Variants in PRKD1 observed in about 807,000 individuals in gnomAD.
The protein encoded by PRKD1 is protein kinase D1, also known as serine/threonine-protein kinase D1.
PRKD1 carries 63 observed loss-of-function variants against 95.9 expected under a neutral mutation model. The ratio of observed to expected loss-of-function variants is 0.66; its 90% CI spans 0.54 to 0.81. The LOEUF (loss-of-function observed/expected upper bound fraction) is 0.81, where lower values mean the gene tolerates loss of function less well. Among genes scored for constraint, PRKD1 ranks in the 30% least tolerant of loss-of-function variants. The pLI, the probability that PRKD1 is intolerant of heterozygous loss-of-function variation, is 0.00. For missense variants in PRKD1, 1,048 were observed against 1,165.3 expected (o/e 0.90, Z 1.47); for synonymous variants, 425 against 423.1 (o/e 1.00, Z -0.05).
chr14:29,721,341 G>A (rs1330715634), intron 2 of PRKD1, among the ~76,000 whole-genome samples: 2 of 152,162 alleles, frequency 1.3e-5, no homozygotes, highest in Admixed American at 6.5e-5. Flanking sequence ...GTGTAAGAAG[G>A]AAAGATTCAA....
At chr14:29,919,829 G>T (rs1895024429) in intron 1 of PRKD1, among the ~76,000 whole-genome samples, 1 of 152,064 alleles carries the variant, frequency 6.6e-6, no homozygotes, top group African/African-American at 2.4e-5. Flanking sequence ...ATCCAGGCGT[G>T]GTGGCACATA....
chr14:29,843,451 G>T (rs1891947493), intron 1 of PRKD1, among the ~76,000 whole-genome samples: 1 of 152,146 alleles, frequency 6.6e-6, no homozygotes, highest in Non-Finnish European at 1.5e-5. Flanking sequence ...CCAAAGAGCT[G>T]CAGATATTGA....
intron 1 of PRKD1, among the ~76,000 whole-genome samples, chr14:29,917,563 G>T (rs911735685): frequency 6.6e-6 from 1 of 151,788 alleles, no homozygotes; most frequent in Admixed American, 6.6e-5. Context: ...GTAGAAATAC[G>T]TTTCTGTTTG....
intron 1 of PRKD1, among the ~76,000 whole-genome samples, chr14:29,848,461 G>A (rs997231458): frequency 4.0e-5 from 6 of 151,884 alleles, no homozygotes; most frequent in Non-Finnish European, 5.9e-5. Context: ...CATATATGGG[G>A]AAAATTAGAA....
rs537554301 is a variant in PRKD1, at chr14:29,927,310, G to C, written c.203C>G (p.Ser68Trp). 6.4e-7 allele frequency: 1 copy of C among 1,555,452 alleles called. No individual in the cohort carries two copies. The highest frequency in any genetic ancestry group is 1.9e-5 in the Admixed American group (1 of 53,054). Residue 68 changes from serine to tryptophan, a missense_variant, in exon 1 of 18, where the codon TCG (serine) becomes TGG (tryptophan). Around this residue, in one of 3 missense-constraint regions of PRKD1, gnomAD observed 275 missense variants for 248.6 expected, o/e 1.11. Transcript: ENST00000331968. ...GTGCGCCAGGCTGTAGTCCCCGGAC[G>C]AGTCCTGCAGCAGCAGCACCGGCTC... ...SREPVLLLQD[S>W]SGDYSLAHVR...
intron 2 of PRKD1, among the ~76,000 whole-genome samples, chr14:29,716,933 AAAAT>A (rs1172133580): frequency 6.6e-6 from 1 of 152,190 alleles, no homozygotes; most frequent in African/African-American, 2.4e-5. Flanking sequence ...AGGACTTTTA[AAAAT>A]AAATAAGCAA....
intron 1 of PRKD1, among the ~76,000 whole-genome samples, chr14:29,809,675 A>G (rs1236430624): frequency 6.6e-6 from 1 of 152,234 alleles, no homozygotes; most frequent in Non-Finnish European, 1.5e-5. Context: ...AAAGAGAGTT[A>G]GGACCTTACT....
In PRKD1 at chr14:29,715,300, C is replaced by T. The variant is rs141105073; in HGVS notation, c.403+10236G>A. 2.8e-3 allele frequency among the ~76,000 whole-genome samples: 430 copies of T among 151,562 alleles called. 2 individuals carry two copies. Among genetic ancestry groups the T allele is most frequent in the Middle Eastern group, 0.027 (8 of 294 alleles). On this transcript the variant is annotated intron_variant, in intron 2 of 17. Transcript: ENST00000331968. Reference sequence around the variant, plus strand: ...GAGTAAAATTTGATTTATCTAGTTGCTCTGTCCAATAGAACTTTTTTCAGA... The same window carrying T: ...GAGTAAAATTTGATTTATCTAGTTGTTCTGTCCAATAGAACTTTTTTCAGA...
intron 2 of PRKD1, among the ~76,000 whole-genome samples, chr14:29,709,469 G>T (rs1378006725): frequency 6.6e-6 from 1 of 152,170 alleles, no homozygotes; most frequent in African/African-American, 2.4e-5. Context: ...TGCTCTCATT[G>T]TTCAGGGGGA....
chr14:29,669,564 AAAAAC>A (rs749770870), intron 2 of PRKD1, among the ~76,000 whole-genome samples: 11 of 152,212 alleles, frequency 7.2e-5, no homozygotes, highest in Non-Finnish European at 1.3e-4. Flanking sequence ...AAACAAAAAC[AAAAAC>A]AAAACAAAAC....
At chr14:29,608,907 C>A (rs1230606836) in intron 13 of PRKD1, among the ~76,000 whole-genome samples, 1 of 152,124 alleles carries the variant, frequency 6.6e-6, no homozygotes, top group African/African-American at 2.4e-5. Context: ...TTTTCATCTA[C>A]AATATTTTAG....
chr14:29,726,000 G>T (rs958243100), intron 1 of PRKD1, among the ~76,000 whole-genome samples: 3 of 152,112 alleles, frequency 2.0e-5, no homozygotes, highest in African/African-American at 7.2e-5. Flanking sequence ...GAAGAGGTGT[G>T]CACTTTCAGA....
chr14:29,655,460 A>G (rs1222475301), intron 4 of PRKD1, among the ~76,000 whole-genome samples: 1 of 152,214 alleles, frequency 6.6e-6, no homozygotes, highest in Non-Finnish European at 1.5e-5. Flanking sequence ...AGACCATCTT[A>G]GAATGGATAC....
intron 1 of PRKD1, among the ~76,000 whole-genome samples, chr14:29,813,518 G>C (rs1890574755): frequency 6.6e-6 from 1 of 152,136 alleles, no homozygotes; most frequent in African/African-American, 2.4e-5. Context: ...GTGAGTAGAT[G>C]CCCAAATGAG....
At chr14:29,610,921 A>T (rs1386303671) in intron 13 of PRKD1, among the ~76,000 whole-genome samples, 1 of 152,232 alleles carries the variant, frequency 6.6e-6, no homozygotes, top group Non-Finnish European at 1.5e-5. Context: ...ATACTATGTG[A>T]TTCCAGCTAT....
chr14:29,743,763 A>T (rs1398305630), intron 1 of PRKD1, among the ~76,000 whole-genome samples: 2 of 152,160 alleles, frequency 1.3e-5, no homozygotes, highest in African/African-American at 4.8e-5. Flanking sequence ...TTAAACTGCC[A>T]ATCAATGCCC....
intron 2 of PRKD1, among the ~76,000 whole-genome samples, chr14:29,667,757 C>T (rs1179947174): frequency 6.6e-6 from 1 of 152,156 alleles, no homozygotes; most frequent in East Asian, 1.9e-4. Flanking sequence ...TATGACAATA[C>T]TATCACAACG....
intron 2 of PRKD1, among the ~76,000 whole-genome samples, chr14:29,712,513 G>C (rs1885383019): frequency 6.6e-6 from 1 of 152,092 alleles, no homozygotes; most frequent in Non-Finnish European, 1.5e-5. Flanking sequence ...CCCAATTCTT[G>C]TATTAAAATG....
chr14:29,633,643 A>G (rs1345688136), intron 8 of PRKD1, among the ~76,000 whole-genome samples: 1 of 152,178 alleles, frequency 6.6e-6, no homozygotes, highest in Non-Finnish European at 1.5e-5. Flanking sequence ...AAGCTCTATG[A>G]TTCCGCTCTT....
Sources: gnomAD v4.1 joint callset for allele counts (sites outside exome capture counted in the v4.1 genomes callset) on GRCh38, gnomAD v4.1.1 for gene constraint, gnomAD v4.1.1 regional missense constraint, MANE v1.5 for transcripts, NCBI Gene and HGNC (gene_info 2026-07-23, HGNC 2026-07-21) for gene names.